ECD: variants seen among roughly 807,000 people sequenced by gnomAD.
ECD encodes the protein protein ecdysoneless homolog.
A neutral mutation model predicts 77.2 loss-of-function variants in ECD; 59 were observed. That is an observed-to-expected ratio of 0.76 (90% confidence interval 0.62 to 0.95). The LOEUF (loss-of-function observed/expected upper bound fraction) is 0.95, where lower values mean the gene tolerates loss of function less well. ECD is among the 40% of genes least tolerant of loss of function. The pLI is 0.00. For synonymous variants in ECD, 233 were observed against 267.4 expected, an observed-to-expected ratio of 0.87 and a Z score of 1.26; for missense variants, 704 against 763.4, an observed-to-expected ratio of 0.92 and a Z score of 0.92.
At position 73,134,763 on chromosome 10, in the gene ECD, A is replaced by T; in HGVS notation, c.1755T>A (p.Gly585=). The T allele has an allele frequency of 6.2e-7, 1 of 1,614,196 alleles. No individual in the cohort carries two copies. Among genetic ancestry groups the T allele is most frequent in the South Asian group, 1.1e-5 (1 of 91,088 alleles). ...TDNNSDEEDS[G]TGESVMAPVD... ...CTGGTGCCATAACAGATTCTCCCGT[A>T]CCAGAATCTTCCTCATCTGAATTGT... Residue 585 remains glycine, a synonymous_variant, in exon 14 of 14, where the codon GGT becomes GGA. Coordinates refer to ENST00000372979, the MANE Select transcript of ECD (RefSeq NM_007265.3).
At chr10:73,166,434 T>C (rs1447255792) in intron 1 of ECD, among the ~76,000 whole-genome samples, 1 of 152,232 alleles carries the variant, frequency 6.6e-6, no homozygotes, top group Non-Finnish European at 1.5e-5. Flanking sequence ...CTAATTTACA[T>C]TCTCACCAAC....
intron 9 of ECD, among the ~76,000 whole-genome samples, chr10:73,143,222 G>A (rs930495242): frequency 1.3e-5 from 2 of 152,208 alleles, no homozygotes; most frequent in African/African-American, 4.8e-5. Context: ...AGGCTGGAGT[G>A]CAGTGGTGCG....
At chr10:73,162,314 C>A (rs1266433005) in intron 2 of ECD, among the ~76,000 whole-genome samples, 2 of 152,150 alleles carry the variant, frequency 1.3e-5, no homozygotes, top group Non-Finnish European at 2.9e-5. Flanking sequence ...TAGAAGCATT[C>A]AGGATTTAGC....
At chr10:73,162,453 G>A (rs1843392941) in intron 2 of ECD, among the ~76,000 whole-genome samples, 1 of 152,196 alleles carries the variant, frequency 6.6e-6, no homozygotes, top group Non-Finnish European at 1.5e-5. Context: ...TCTAGAGGAT[G>A]GATAAAGGGT....
At chr10:73,139,542 T>G in intron 10 of ECD, 47 bp from the exon 11 acceptor site, 1 of 1,602,116 alleles carries the variant, frequency 6.2e-7, no homozygotes, top group Non-Finnish European at 8.5e-7. Flanking sequence ...TTCACATAAG[T>G]CCTCTTAGGA....
chr10:73,148,506 T>C, intron 7 of ECD, 102 bp from the exon 8 acceptor site: 1 of 1,288,964 alleles, frequency 7.8e-7, no homozygotes, highest in Non-Finnish European at 1.0e-6. Flanking sequence ...TAGAACTAGA[T>C]GACTGGATAC....
At chr10:73,146,108 C>T (rs1324936497) in intron 9 of ECD, among the ~76,000 whole-genome samples, 168 bp downstream of exon 9, 1 of 149,164 alleles carries the variant, frequency 6.7e-6, no homozygotes, top group Non-Finnish European at 1.5e-5. Flanking sequence ...GGCTGGAGTG[C>T]AGTGGTGTGA....
chr10:73,150,608 T>A (rs1241218514), intron 7 of ECD, among the ~76,000 whole-genome samples: 1 of 151,906 alleles, frequency 6.6e-6, no homozygotes, highest in Non-Finnish European at 1.5e-5. Context: ...TGGGAGAAAA[T>A]TTTTGCAATC....
chr10:73,147,483 G>C lies in ECD; in HGVS notation c.1041+793C>G, dbSNP rs140206765. 3.7e-3 allele frequency among the ~76,000 whole-genome samples: 558 copies of C among 152,120 alleles called. 6 individuals carry two copies. The highest frequency in any genetic ancestry group is 0.013 in the African/African-American group (535 of 41,474). ...GAGAATCGCTTGAACCTAGGAGGTA[G>C]AGGTTGTAGTGAGCCAAGATTGTGC... On this transcript the variant is annotated intron_variant, in intron 8 of 13. Coordinates refer to ENST00000372979, the MANE Select transcript of ECD (RefSeq NM_007265.3).
intron 2 of ECD, among the ~76,000 whole-genome samples, chr10:73,163,275 A>C (rs1180870832): frequency 6.6e-6 from 1 of 152,198 alleles, no homozygotes; most frequent in Non-Finnish European, 1.5e-5. Context: ...CATAAAGCCC[A>C]ATTATTTATC....
chr10:73,156,374 G>C lies in ECD; in HGVS notation c.491C>G (p.Pro164Arg). The C allele has an allele frequency of 6.2e-7, 1 of 1,613,574 alleles. No homozygotes were observed. Among genetic ancestry groups the C allele is most frequent in the Non-Finnish European group, 8.5e-7 (1 of 1,179,874 alleles). The change falls in exon 5 of 14, where the codon CCC (proline) becomes CGC (arginine). Residue 164 changes from proline to arginine, a missense_variant. Pro to Arg is a moderately radical substitution (Grantham distance 103). This residue lies in a region of ECD where 559 missense variants were observed against 583.7 expected (regional missense o/e 0.96). Transcript: ENST00000372979. The stretch of plus-strand genomic sequence containing the variant: ...ATTCAATGCTTGTGGAATTGTTGGG[G>C]GTGTGGTGGGTAACCAAGATTCTGC... ...SGAESWLPTT[P>R]PTIPQALNII...
At chr10:73,165,326 C>CTTTCTTTTCTTTTTTTCTTTTATT (rs1564669136) in intron 1 of ECD, among the ~76,000 whole-genome samples, 1 of 151,730 alleles carries the variant, frequency 6.6e-6, no homozygotes, top group Non-Finnish European at 1.5e-5. Context: ...GTAGGTATAT[C>CTTTCTTTTCTTTTTTTCTTTTATT]TTTCTTTTCT....
chr10:73,145,016 T>A (rs576159372), intron 9 of ECD, among the ~76,000 whole-genome samples: 24 of 152,286 alleles, frequency 1.6e-4, no homozygotes, highest in African/African-American at 5.8e-4. Context: ...ATACATGTAA[T>A]CACATGTACC....
intron 6 of ECD, among the ~76,000 whole-genome samples, chr10:73,152,652 C>T (rs1843229335): frequency 6.6e-6 from 1 of 151,992 alleles, no homozygotes; most frequent in Non-Finnish European, 1.5e-5. Context: ...TGGTTCATGC[C>T]TGTAATCCCA....
chr10:73,164,209 G>A (rs1843419936), intron 1 of ECD, among the ~76,000 whole-genome samples: 1 of 151,554 alleles, frequency 6.6e-6, no homozygotes, highest in Non-Finnish European at 1.5e-5. Context: ...AAAATTAGCT[G>A]GGTGTGGTGG....
intron 9 of ECD, among the ~76,000 whole-genome samples, chr10:73,143,420 C>A (rs927364996): frequency 6.6e-6 from 1 of 152,200 alleles, no homozygotes; most frequent in African/African-American, 2.4e-5. Context: ...CCCGCCTTGG[C>A]CTCCCAAAAT....
intron 5 of ECD, among the ~76,000 whole-genome samples, chr10:73,155,940 A>C (rs1843290250): frequency 6.6e-6 from 1 of 152,012 alleles, no homozygotes; most frequent in African/African-American, 2.4e-5. Context: ...CAAATTTTTT[A>C]CCCATGGATA....
intron 9 of ECD, 81 bp downstream of exon 9, chr10:73,146,195 A>G: frequency 1.5e-6 from 1 of 682,966 alleles, no homozygotes; most frequent in Non-Finnish European, 2.1e-6. Flanking sequence ...TAAATAAATA[A>G]GAATAATAAA....
At chr10:73,155,594 C>CA (rs1554850746) in intron 5 of ECD, among the ~76,000 whole-genome samples, 19 of 124,830 alleles carry the variant, frequency 1.5e-4, no homozygotes, top group African/African-American at 4.9e-4. Flanking sequence ...TAGGTTTCTA[C>CA]TTTTTTTTTT....
Sources: allele counts gnomAD v4.1 joint callset (sites outside exome capture counted in the v4.1 genomes callset), GRCh38; gene constraint gnomAD v4.1.1; regional missense constraint gnomAD v4.1.1; transcripts MANE v1.5; gene names NCBI Gene and HGNC (gene_info 2026-07-23, HGNC 2026-07-21).